The following GPATCH2 variants were observed in gnomAD, a reference collection of about 807,000 sequenced individuals.
The protein encoded by GPATCH2 is G patch domain-containing protein 2.
Under a neutral mutation model 58.0 loss-of-function variants are expected in GPATCH2, and 51 were observed. That is an observed-to-expected ratio of 0.88 (90% confidence interval 0.70 to 1.11). The LOEUF (loss-of-function observed/expected upper bound fraction) is 1.11, where lower values mean the gene tolerates loss of function less well. Among genes scored for constraint, GPATCH2 ranks in the 50% most tolerant of loss-of-function variants. GPATCH2 has a pLI of 0.00. For missense variants in GPATCH2, 625 were observed against 652.2 expected, an observed-to-expected ratio of 0.96 and a Z score of 0.45; for synonymous variants, 222 against 218.5, an observed-to-expected ratio of 1.02 and a Z score of -0.14.
intron 8 of GPATCH2, among the ~76,000 whole-genome samples, chr1:217,457,572 T>C (rs375279652): frequency 6.6e-6 from 1 of 152,088 alleles, no homozygotes; most frequent in Admixed American, 6.6e-5. Context: ...TTCCATACAA[T>C]ACATGCAGAA....
chr1:217,439,063 T>C (rs980163548), intron 9 of GPATCH2, among the ~76,000 whole-genome samples: 1 of 152,214 alleles, frequency 6.6e-6, no homozygotes, highest in Admixed American at 6.5e-5. Flanking sequence ...ATCAACAGAA[T>C]GTACACTCTT....
intron 5 of GPATCH2, among the ~76,000 whole-genome samples, chr1:217,560,097 C>T (rs1253180026): frequency 6.6e-6 from 1 of 152,216 alleles, no homozygotes; most frequent in Admixed American, 6.5e-5. Context: ...ACTGCCTTGG[C>T]CTCCCAAAGT....
chr1:217,540,488 T>C (rs1664684860), intron 5 of GPATCH2, among the ~76,000 whole-genome samples: 1 of 152,228 alleles, frequency 6.6e-6, no homozygotes, highest in South Asian at 2.1e-4. Context: ...TAAACAATAG[T>C]CTTCTTGTGT....
chr1:217,602,201 C>A (rs1668141841), intron 5 of GPATCH2, among the ~76,000 whole-genome samples: 1 of 152,194 alleles, frequency 6.6e-6, no homozygotes, highest in East Asian at 1.9e-4. Context: ...TTCCTGTGGA[C>A]CACAACGTCC....
intron 5 of GPATCH2, among the ~76,000 whole-genome samples, chr1:217,540,975 A>T (rs1292305159): frequency 2.0e-5 from 3 of 152,222 alleles, no homozygotes; most frequent in Non-Finnish European, 4.4e-5. Context: ...TAAGAGCCAG[A>T]TGTATCCTGT....
Position 217,491,684 on chromosome 1 carries a change from T to A in GPATCH2, c.1273A>T (p.Ser425Cys). ...AAGCGATTTTGAATTGCTTACCTGC[T>A]GGCTGTTCTCACAGAACAATTTTTC... The part of the protein sequence containing the change: ...HKKNCSVRTA[S>C]RQTSMHLGSL... The change falls in exon 8 of 10, where the codon AGC becomes TGC. Residue 425 changes from serine (S) to cysteine (C), a missense_variant. Transcript: ENST00000366935. 6.9e-7 allele frequency: 1 copy of A among 1,447,678 alleles called. No individual in the cohort carries two copies. Among genetic ancestry groups the A allele is most frequent in the Non-Finnish European group, 9.6e-7 (1 of 1,039,586 alleles). The allele number at this position is 1,447,678 out of a possible 1,614,324, so 89.7% of individuals were successfully genotyped here. A position where few individuals can be genotyped will look rare whatever the true frequency, so the allele number is the denominator to read the frequency against.
intron 8 of GPATCH2, 105 bp from the exon 9 acceptor site, chr1:217,449,442 T>C (rs1438479888): frequency 1.4e-6 from 1 of 703,612 alleles, no homozygotes; most frequent in African/African-American, 1.8e-5. Context: ...TCAACAAAGA[T>C]GGAGCTGCGT....
At position 217,427,984 on chromosome 1, in the gene GPATCH2, CAATT is replaced by C. The variant is rs1429618241; in HGVS notation, c.*3157_*3160del. The C allele has an allele frequency of 6.6e-6, 1 of 151,956 alleles. No individual in the cohort carries two copies. The highest frequency in any genetic ancestry group is 1.5e-5 in the Non-Finnish European group (1 of 67,958). 9.4% of individuals were successfully genotyped at this position (151,956 alleles called of 1,614,324 possible). A position where few individuals can be genotyped will look rare whatever the true frequency, so the allele number is the denominator to read the frequency against. ...ATATATGGTATTTAAATGCTGAGAC[CAATT>C]TATTGGCAGATTTTAATTAGCAATG... On this transcript the variant is annotated 3_prime_UTR_variant, in exon 10 of 10. Coordinates refer to ENST00000366935, the MANE Select transcript of GPATCH2 (RefSeq NM_018040.5).
intron 5 of GPATCH2, among the ~76,000 whole-genome samples, chr1:217,524,204 CT>C (rs1663679811): frequency 1.5e-5 from 1 of 65,056 alleles, no homozygotes. Flanking sequence ...GGCGGAGGGG[CT>C]CCTCACTTCT....
intron 8 of GPATCH2, among the ~76,000 whole-genome samples, chr1:217,475,168 G>T (rs1490244686): frequency 1.3e-5 from 2 of 152,224 alleles, no homozygotes; most frequent in East Asian, 3.8e-4. Flanking sequence ...GCTCGGCGCG[G>T]TGGCTCATGC....
intron 5 of GPATCH2, among the ~76,000 whole-genome samples, chr1:217,563,981 T>G (rs572203823): frequency 2.5e-4 from 32 of 128,408 alleles, no homozygotes; most frequent in African/African-American, 9.3e-4. Flanking sequence ...GAGGCGGAGA[T>G]AGTGGTGAGC....
At chr1:217,564,544 T>G (rs1666116491) in intron 5 of GPATCH2, among the ~76,000 whole-genome samples, 1 of 152,224 alleles carries the variant, frequency 6.6e-6, no homozygotes, top group Non-Finnish European at 1.5e-5. Context: ...GAGTCAAGGC[T>G]TACCTTCCAG....
At chr1:217,630,849 C>T in intron 1 of GPATCH2, 67 bp downstream of exon 1, 1 of 1,179,842 alleles carries the variant, frequency 8.5e-7, no homozygotes, top group Non-Finnish European at 1.2e-6. Context: ...ATTCCAGGTC[C>T]AGCGGAGCGG....
chr1:217,515,691 GAGCA>G (rs1663101210), intron 5 of GPATCH2, among the ~76,000 whole-genome samples: 1 of 150,538 alleles, frequency 6.6e-6, no homozygotes, highest in Non-Finnish European at 1.5e-5. Flanking sequence ...CTGGGTGACA[GAGCA>G]AGACTCTGTC....
At chr1:217,462,511 A>G (rs896644274) in intron 8 of GPATCH2, among the ~76,000 whole-genome samples, 1 of 151,948 alleles carries the variant, frequency 6.6e-6, no homozygotes, top group Non-Finnish European at 1.5e-5. Context: ...AAGACTAAAA[A>G]ACAAAAAAAA....
chr1:217,499,179 T>A (rs1662169723), intron 6 of GPATCH2, among the ~76,000 whole-genome samples: 1 of 152,122 alleles, frequency 6.6e-6, no homozygotes, highest in African/African-American at 2.4e-5. Flanking sequence ...TTATGGCAAA[T>A]CAATCACTAA....
At chr1:217,547,838 G>A (rs910481187) in intron 5 of GPATCH2, among the ~76,000 whole-genome samples, 16 of 152,078 alleles carry the variant, frequency 1.1e-4, no homozygotes, top group African/African-American at 2.7e-4. Flanking sequence ...GAGGTCTGGC[G>A]GCGGGTGATT....
At chr1:217,552,168 T>TATGTATATGAATAAAACCTCTCTG (rs1414901224) in intron 5 of GPATCH2, among the ~76,000 whole-genome samples, 2 of 152,070 alleles carry the variant, frequency 1.3e-5, no homozygotes, top group Middle Eastern at 3.2e-3. Context: ...AAACTTCTCC[T>TATGTATATGAATAAAACCTCTCTG]ATGTATATGA....
At chr1:217,545,719 G>C (rs1419033075) in intron 5 of GPATCH2, among the ~76,000 whole-genome samples, 1 of 152,166 alleles carries the variant, frequency 6.6e-6, no homozygotes, top group African/African-American at 2.4e-5. Context: ...AGGGAATCGT[G>C]AGGTCAAACT....
Sources: allele counts gnomAD v4.1 joint callset (sites outside exome capture counted in the v4.1 genomes callset), GRCh38; gene constraint gnomAD v4.1.1; transcripts MANE v1.5; gene names NCBI Gene and HGNC (gene_info 2026-07-23, HGNC 2026-07-21).